VWC2: variants seen among roughly 807,000 people sequenced by gnomAD.
VWC2 encodes brorin.
In VWC2, 14 loss-of-function variants were observed where a neutral mutation model predicts 29.8. The ratio of observed to expected loss-of-function variants is 0.47; its 90% CI spans 0.31 to 0.74. VWC2 has a LOEUF of 0.74. VWC2 is among the 30% of genes least tolerant of loss of function. The pLI is 0.05. For missense variants in VWC2, 457 were observed against 459.8 expected (o/e 0.99, Z 0.05); for synonymous variants, 213 against 199.0 (o/e 1.07, Z -0.59).
intron 3 of VWC2, among the ~76,000 whole-genome samples, chr7:49,891,809 A>G (rs1792139526): frequency 6.6e-6 from 1 of 152,198 alleles, no homozygotes; most frequent in African/African-American, 2.4e-5. Context: ...CTTATGGAAG[A>G]ATGTTTTACT....
chr7:49,912,473 C>A lies in VWC2; in HGVS notation c.*288C>A, dbSNP rs1014686754. 2.8e-5 allele frequency: 7 copies of A among 247,072 alleles called. No individual in the cohort carries two copies. The highest frequency in any genetic ancestry group is 2.0e-4 in the Admixed American group (4 of 19,602). 15.3% of individuals were successfully genotyped at this position (247,072 alleles called of 1,614,324 possible). ...TATATATCAAATGTATTTCTATAAT[C>A]CCTCCATTAGAGAGCTTATATAAGT... On this transcript the variant is annotated 3_prime_UTR_variant, in exon 4 of 4. Coordinates refer to ENST00000340652, the MANE Select transcript of VWC2 (RefSeq NM_198570.5).
intron 3 of VWC2, among the ~76,000 whole-genome samples, chr7:49,862,079 T>A (rs916300814): frequency 1.1e-4 from 17 of 152,216 alleles, no homozygotes; most frequent in African/African-American, 4.1e-4. Flanking sequence ...AGTACTGCCA[T>A]CCTGACAATA....
At chr7:49,802,290 C>A (rs1453293701) in intron 2 of VWC2, among the ~76,000 whole-genome samples, 1 of 152,154 alleles carries the variant, frequency 6.6e-6, no homozygotes, top group African/African-American at 2.4e-5. Flanking sequence ...TGGGCTGGAT[C>A]ATTTTTTAAA....
chr7:49,777,836 C>A (rs1404753985), intron 2 of VWC2, among the ~76,000 whole-genome samples: 2 of 152,056 alleles, frequency 1.3e-5, no homozygotes, highest in African/African-American at 4.8e-5. Flanking sequence ...AGAGGAGGGG[C>A]CTTCCATTTT....
intron 3 of VWC2, among the ~76,000 whole-genome samples, chr7:49,853,533 G>T (rs1054875025): frequency 3.4e-5 from 5 of 149,142 alleles, no homozygotes; most frequent in African/African-American, 7.4e-5. Context: ...TAAGTTTTTG[G>T]TTTTTTTTTT....
intron 2 of VWC2, among the ~76,000 whole-genome samples, chr7:49,779,036 A>AGG (rs1443332764): frequency 7.9e-5 from 9 of 114,240 alleles, no homozygotes; most frequent in African/African-American, 3.3e-4. Flanking sequence ...GCTTCCAGAG[A>AGG]GGGAGAGAGA....
At chr7:49,903,914 C>T (rs542857490) in intron 3 of VWC2, among the ~76,000 whole-genome samples, 32 of 152,062 alleles carry the variant, frequency 2.1e-4, no homozygotes, top group Non-Finnish European at 4.4e-4. Flanking sequence ...TTATATTCCG[C>T]CTTGAGGAGG....
At chr7:49,897,273 C>G (rs1792436657) in intron 3 of VWC2, among the ~76,000 whole-genome samples, 1 of 152,140 alleles carries the variant, frequency 6.6e-6, no homozygotes, top group African/African-American at 2.4e-5. Flanking sequence ...ATCCTTAAAT[C>G]TCATCCAATA....
chr7:49,794,065 C>T (rs965971288), intron 2 of VWC2, among the ~76,000 whole-genome samples: 1 of 152,172 alleles, frequency 6.6e-6, no homozygotes, highest in Non-Finnish European at 1.5e-5. Flanking sequence ...CTTTGAATGC[C>T]TCCTCCCAGA....
In VWC2 at chr7:49,776,074, G is replaced by T; in HGVS notation, c.639G>T (p.Glu213Asp). ...GCCAGTGCTGCCCGCAGTGCAAGGA[G>T]AGGAAGAACTACTGCGAGTTCCGGG... ...DTSQCCPQCK[E>D]RKNYCEFRGK... The change falls in exon 2 of 4, where the codon GAG (glutamate) becomes GAT (aspartate). Residue 213 changes from glutamate to aspartate, a missense_variant. Physicochemically the swap from Glu to Asp is conservative, Grantham distance 45. Coordinates refer to ENST00000340652, the MANE Select transcript of VWC2 (RefSeq NM_198570.5). 1 of 1,555,666 alleles carries T rather than the reference G, an allele frequency of 6.4e-7. No individual in the cohort carries two copies.
At chr7:49,855,693 G>C (rs1790389147) in intron 3 of VWC2, among the ~76,000 whole-genome samples, 1 of 152,222 alleles carries the variant, frequency 6.6e-6, no homozygotes, top group South Asian at 2.1e-4. Flanking sequence ...ATGGTGAATA[G>C]TGTGAATCAG....
chr7:49,881,485 C>G (rs1016228147), intron 3 of VWC2, among the ~76,000 whole-genome samples: 1 of 152,146 alleles, frequency 6.6e-6, no homozygotes, highest in Non-Finnish European at 1.5e-5. Context: ...TACCCATGCA[C>G]AAAACGTCCT....
chr7:49,850,103 C>G (rs1790116917), intron 3 of VWC2, among the ~76,000 whole-genome samples: 1 of 152,138 alleles, frequency 6.6e-6, no homozygotes. Flanking sequence ...AAAAACCAAG[C>G]CTAGCACATA....
At chr7:49,875,895 C>T (rs537872675) in intron 3 of VWC2, among the ~76,000 whole-genome samples, 28 of 152,252 alleles carry the variant, frequency 1.8e-4, no homozygotes, top group African/African-American at 6.5e-4. Flanking sequence ...TTGTCCCTGG[C>T]ATCGACTATG....
Position 49,775,954 on chromosome 7 carries a change from C to T in VWC2, c.519C>T (p.Pro173=), listed in dbSNP as rs910314343. ...YAIGEKFAPG[P]SACPCLCTEE... is the part of the protein sequence containing the mutation. ...TCGGGGAGAAGTTCGCGCCGGGCCC[C>T]TCGGCCTGCCCGTGCCTGTGCACCG... Residue 173 remains proline, a synonymous_variant, in exon 2 of 4, where the codon CCC becomes CCT. Coordinates refer to ENST00000340652, the MANE Select transcript of VWC2 (RefSeq NM_198570.5). 1.3e-6 allele frequency: 2 copies of T among 1,551,870 alleles called. No homozygotes were observed. Among genetic ancestry groups the T allele is most frequent in the South Asian group, 2.4e-5 (2 of 84,642 alleles).
intron 3 of VWC2, among the ~76,000 whole-genome samples, chr7:49,808,678 T>C (rs1173856886): frequency 6.6e-6 from 1 of 152,052 alleles, no homozygotes; most frequent in Admixed American, 6.6e-5. Flanking sequence ...AGTTTCTTTT[T>C]TGAACACAAC....
chr7:49,885,150 A>G (rs1039738993), intron 3 of VWC2, among the ~76,000 whole-genome samples: 2 of 152,146 alleles, frequency 1.3e-5, no homozygotes, highest in Non-Finnish European at 2.9e-5. Flanking sequence ...ACAGAAAAAT[A>G]GAATCCTTCA....
chr7:49,793,452 A>G (rs1788511524), intron 2 of VWC2, among the ~76,000 whole-genome samples: 1 of 152,062 alleles, frequency 6.6e-6, no homozygotes, highest in South Asian at 2.1e-4. Flanking sequence ...AAGTTGCTAC[A>G]TATATTCCTG....
chr7:49,791,960 C>A (rs1311995713), intron 2 of VWC2, among the ~76,000 whole-genome samples: 1 of 152,178 alleles, frequency 6.6e-6, no homozygotes, highest in African/African-American at 2.4e-5. Flanking sequence ...TGTCTGCTCT[C>A]TAGAAAACCA....
Sources: gnomAD v4.1 joint callset for allele counts (sites outside exome capture counted in the v4.1 genomes callset) on GRCh38, gnomAD v4.1.1 for gene constraint, MANE v1.5 for transcripts, NCBI Gene and HGNC (gene_info 2026-07-23, HGNC 2026-07-21) for gene names.